The following STPG2 variants were observed in gnomAD, a reference collection of about 807,000 sequenced individuals.
STPG2 encodes sperm tail PG-rich repeat containing 2.
Under a neutral mutation model 54.2 loss-of-function variants are expected in STPG2, and 56 were observed. The ratio of observed to expected loss-of-function variants is 1.03; its 90% confidence interval spans 0.83 to 1.29. The LOEUF is 1.29. Among genes scored for constraint, STPG2 ranks in the 50% most tolerant of loss-of-function variants. The pLI, the probability that STPG2 is intolerant of heterozygous loss-of-function variation, is 0.00. For missense variants in STPG2, 596 were observed against 544.9 expected, an observed-to-expected ratio of 1.09 and a Z score of -0.93; for synonymous variants, 200 against 181.8, an observed-to-expected ratio of 1.10 and a Z score of -0.81.
At chr4:98,001,996 AC>A (rs1386542110) in intron 5 of STPG2, among the ~76,000 whole-genome samples, 2 of 152,132 alleles carry the variant, frequency 1.3e-5, no homozygotes, top group Non-Finnish European at 2.9e-5. Context: ...ATAAGGGCTG[AC>A]AAAAAAATAT....
intron 5 of STPG2, among the ~76,000 whole-genome samples, chr4:98,022,028 A>G (rs1736223428): frequency 6.6e-6 from 1 of 151,556 alleles, no homozygotes. Context: ...TTTAAAGTTA[A>G]TATTGTTATG....
chr4:98,001,426 G>T (rs897859588), intron 5 of STPG2, among the ~76,000 whole-genome samples: 1 of 151,808 alleles, frequency 6.6e-6, no homozygotes, highest in Non-Finnish European at 1.5e-5. Flanking sequence ...GCAATGCAAC[G>T]TGAACTTCCA....
chr4:98,123,784 G>A (rs4443295), intron 3 of STPG2, among the ~76,000 whole-genome samples: 59,448 of 151,948 alleles, frequency 0.39, 11,868 homozygotes, highest in Middle Eastern at 0.45. Context: ...CTAGTGAGAT[G>A]TCAAAGTCTC....
chr4:97,688,305 A>G (rs138922537), intron 10 of STPG2, among the ~76,000 whole-genome samples: 197 of 152,298 alleles, frequency 1.3e-3, no homozygotes, highest in African/African-American at 3.6e-3. Context: ...AAATACAAAA[A>G]CATTAGATTC....
intron 7 of STPG2, among the ~76,000 whole-genome samples, chr4:97,957,935 A>G (rs1036477428): frequency 6.6e-6 from 1 of 152,160 alleles, no homozygotes; most frequent in Non-Finnish European, 1.5e-5. Flanking sequence ...ATTTTAAAAC[A>G]AATCCCAGAA....
chr4:97,800,460 T>C (rs553370153), intron 9 of STPG2, among the ~76,000 whole-genome samples: 2 of 152,344 alleles, frequency 1.3e-5, no homozygotes, highest in South Asian at 4.1e-4. Context: ...CAGACCCTTT[T>C]TATCTGGGTA....
chr4:97,928,245 C>A (rs189094630), intron 8 of STPG2, among the ~76,000 whole-genome samples: 2 of 152,150 alleles, frequency 1.3e-5, no homozygotes, highest in African/African-American at 2.4e-5. Context: ...AATGCCCTTA[C>A]GGTGAAAGTT....
At chr4:98,106,766 T>C (rs1739199944) in intron 4 of STPG2, among the ~76,000 whole-genome samples, 1 of 152,170 alleles carries the variant, frequency 6.6e-6, no homozygotes, top group Non-Finnish European at 1.5e-5. Context: ...ACAATATATG[T>C]AAGGTGGTTA....
chr4:97,644,796 T>C (rs1000585142), intron 10 of STPG2, among the ~76,000 whole-genome samples: 2 of 152,020 alleles, frequency 1.3e-5, no homozygotes, highest in Non-Finnish European at 2.9e-5. Context: ...CCTTTAGTAT[T>C]CTAGTTTTCT....
chr4:97,879,637 G>A (rs1040915542), intron 8 of STPG2, among the ~76,000 whole-genome samples: 2 of 152,092 alleles, frequency 1.3e-5, no homozygotes, highest in African/African-American at 4.8e-5. Context: ...GGGAATTATG[G>A]GAGCTACAAT....
intron 4 of STPG2, among the ~76,000 whole-genome samples, chr4:97,443,325 G>T (rs1041945251): frequency 9.2e-5 from 14 of 152,150 alleles, no homozygotes; most frequent in African/African-American, 3.4e-4. Context: ...AATAAGGCAG[G>T]ATGTCAAGAA....
chr4:97,849,325 A>C (rs2149129033), intron 8 of STPG2, among the ~76,000 whole-genome samples: 1 of 152,188 alleles, frequency 6.6e-6, no homozygotes, highest in African/African-American at 2.4e-5. Context: ...CCCTAGAAGA[A>C]AACCTAGGCA....
intron 4 of STPG2, among the ~76,000 whole-genome samples, chr4:97,548,907 T>A (rs559609228): frequency 2.0e-5 from 3 of 152,212 alleles, no homozygotes; most frequent in Non-Finnish European, 4.4e-5. Context: ...GTATTAAAAT[T>A]GCCCTACTAT....
At chr4:97,754,669 T>C (rs989623572) in intron 9 of STPG2, among the ~76,000 whole-genome samples, 27 of 152,066 alleles carry the variant, frequency 1.8e-4, no homozygotes, top group Non-Finnish European at 3.4e-4. Context: ...ATGCCCACTC[T>C]CCTAAATGAC....
intron 9 of STPG2, among the ~76,000 whole-genome samples, chr4:97,745,996 A>T (rs1320494805): frequency 6.6e-6 from 1 of 151,190 alleles, no homozygotes; most frequent in African/African-American, 2.4e-5. Flanking sequence ...TAAGTATCTC[A>T]TCTTTTTCTC....
At chr4:97,459,920 A>T (rs1011403002) in intron 4 of STPG2, among the ~76,000 whole-genome samples, 2 of 152,150 alleles carry the variant, frequency 1.3e-5, no homozygotes, top group African/African-American at 4.8e-5. Context: ...CCTCTCTGTC[A>T]GTCTTGCTAT....
At chr4:97,712,350 C>G (rs1342609389) in intron 10 of STPG2, among the ~76,000 whole-genome samples, 1 of 151,960 alleles carries the variant, frequency 6.6e-6, no homozygotes, top group East Asian at 1.9e-4. Flanking sequence ...CTTGTGAGCT[C>G]TCTGATAAAT....
At chr4:97,863,106 C>A (rs1729621011) in intron 8 of STPG2, among the ~76,000 whole-genome samples, 2 of 151,756 alleles carry the variant, frequency 1.3e-5, no homozygotes, top group Non-Finnish European at 1.5e-5. Context: ...CAGAGCAGAA[C>A]TGAAGGAGAT....
intron 9 of STPG2, among the ~76,000 whole-genome samples, chr4:97,796,293 G>A (rs571685448): frequency 6.6e-6 from 1 of 152,244 alleles, no homozygotes; most frequent in Admixed American, 6.5e-5. Context: ...CGATCTAAAT[G>A]GTATTGCCTA....
Sources: gnomAD v4.1 joint callset for allele counts (sites outside exome capture counted in the v4.1 genomes callset) on GRCh38, gnomAD v4.1.1 for gene constraint, MANE v1.5 for transcripts, NCBI Gene and HGNC (gene_info 2026-07-23, HGNC 2026-07-21) for gene names.